The following LMX1B variants were observed in gnomAD, a reference collection of about 807,000 sequenced individuals.
LMX1B encodes LIM homeobox transcription factor 1 beta, also known as LIM homeobox transcription factor 1-beta.
LMX1B carries 12 observed loss-of-function variants against 51.4 expected under a neutral mutation model. The ratio of observed to expected loss-of-function variants is 0.23; its 90% CI spans 0.15 to 0.38. The LOEUF (loss-of-function observed/expected upper bound fraction) is 0.38. Ranked by LOEUF, LMX1B falls within the 10% of genes least tolerant of loss-of-function variation. LMX1B has a pLI of 1.00. For synonymous variants in LMX1B, 237 were observed against 235.4 expected (o/e 1.01, Z -0.06); for missense variants, 445 against 571.1 (o/e 0.78, Z 2.25).
At chr9:126,664,957 T>C (rs1476163738) in intron 2 of LMX1B, among the ~76,000 whole-genome samples, 1 of 152,228 alleles carries the variant, frequency 6.6e-6, no homozygotes, top group Admixed American at 6.5e-5. Flanking sequence ...TCAGTTTCTC[T>C]ACCTACGAAG....
chr9:126,615,625 C>G lies in LMX1B; in HGVS notation c.326+56C>G. The G allele has an allele frequency of 6.6e-7, 1 of 1,510,076 alleles. No individual in the cohort carries two copies. The highest frequency in any genetic ancestry group is 9.0e-7 in the Non-Finnish European group (1 of 1,115,674). 93.5% of individuals were successfully genotyped at this position (1,510,076 alleles called of 1,614,324 possible). The stretch of plus-strand genomic sequence containing the variant: ...CCGCCCGGCACTCGAGCCCGGTCAG[C>G]CCCCTGCCGGGCCCGGCCCGCGCCC... On this transcript the variant is annotated intron_variant, in intron 2 of 7. Transcript: ENST00000373474. This position sits in a 1 kb window ranked among gnomAD's most constrained non-coding sequence, Gnocchi z 6.0.
chr9:126,623,680 C>A (rs929002031), intron 2 of LMX1B, among the ~76,000 whole-genome samples: 1 of 152,230 alleles, frequency 6.6e-6, no homozygotes, highest in African/African-American at 2.4e-5. Context: ...GCTAATCTCC[C>A]CCAGAACGCC....
Position 126,700,304 on chromosome 9 carries a change from G to T in LMX1B, c.*3853G>T, listed in dbSNP as rs2030495993. The T allele has an allele frequency of 6.6e-6, 1 of 152,228 alleles. No homozygotes were observed. Among genetic ancestry groups the T allele is most frequent in the Non-Finnish European group, 1.5e-5 (1 of 68,074 alleles). 9.4% of individuals were successfully genotyped at this position (152,228 alleles called of 1,614,324 possible). ...TCCTGAGGGTGGGTAAAGGTGGGAA[G>T]GCCCTGGCGCTGCATCAGATGAGCA... On this transcript the variant is annotated 3_prime_UTR_variant, in exon 8 of 8. Transcript: ENST00000373474.
intron 2 of LMX1B, among the ~76,000 whole-genome samples, chr9:126,682,554 C>T (rs928615351): frequency 2.6e-5 from 4 of 152,204 alleles, no homozygotes; most frequent in African/African-American, 7.2e-5. Flanking sequence ...TCTCACTGCT[C>T]TAGCCCCGCC....
At chr9:126,663,490 C>G (rs568533764) in intron 2 of LMX1B, among the ~76,000 whole-genome samples, 9 of 152,062 alleles carry the variant, frequency 5.9e-5, no homozygotes, top group Admixed American at 3.9e-4. Flanking sequence ...AATCCCAGCT[C>G]TGCCACTTCC....
chr9:126,619,553 G>C (rs1474142474), intron 2 of LMX1B, among the ~76,000 whole-genome samples: 1 of 152,216 alleles, frequency 6.6e-6, no homozygotes, highest in Non-Finnish European at 1.5e-5. Flanking sequence ...CTTACAAAAA[G>C]GCTTCTATGG....
intron 2 of LMX1B, among the ~76,000 whole-genome samples, chr9:126,669,585 G>A (rs1317016433): frequency 6.6e-6 from 1 of 152,198 alleles, no homozygotes; most frequent in Non-Finnish European, 1.5e-5. Flanking sequence ...ACATTCACGT[G>A]TGTGAGTGTA....
intron 2 of LMX1B, among the ~76,000 whole-genome samples, chr9:126,628,843 A>G (rs1290902394): frequency 6.6e-6 from 1 of 152,178 alleles, no homozygotes; most frequent in Non-Finnish European, 1.5e-5. Flanking sequence ...CACAGAGCAC[A>G]GCCAAGCGGG....
intron 2 of LMX1B, among the ~76,000 whole-genome samples, chr9:126,681,005 G>A (rs1383104517): frequency 1.3e-5 from 2 of 152,090 alleles, no homozygotes; most frequent in East Asian, 1.9e-4. Context: ...ACAATGGCAG[G>A]AGGGCTCCTG....
rs1015387015 is a variant in LMX1B, at chr9:126,695,371, C to T, written c.887-468C>T. Among the ~76,000 whole-genome samples, 2 of 152,198 alleles carry T rather than the reference C, an allele frequency of 1.3e-5. No homozygotes were observed. Among genetic ancestry groups the T allele is most frequent in the Non-Finnish European group, 2.9e-5 (2 of 68,026 alleles). Reference sequence around the variant, plus strand: ...ACGTGCTGCACCCTCACTTACCCGGCGGTCTGTCTCCTCCATGCCTTTGCC... The same window carrying T: ...ACGTGCTGCACCCTCACTTACCCGGTGGTCTGTCTCCTCCATGCCTTTGCC... On this transcript the variant is annotated intron_variant, in intron 6 of 7. Coordinates refer to ENST00000373474, the MANE Select transcript of LMX1B (RefSeq NM_001174147.2). This position sits in a 1 kb window ranked among gnomAD's most constrained non-coding sequence, Gnocchi z 5.2.
At position 126,658,465 on chromosome 9, in the gene LMX1B, C is replaced by G. The variant is rs935790201; in HGVS notation, c.327-32371C>G. 9.9e-4 allele frequency among the ~76,000 whole-genome samples: 150 copies of G among 152,228 alleles called. 2 individuals carry two copies. The highest frequency in any genetic ancestry group is 3.4e-4 in the Non-Finnish European group (23 of 68,000). ...AGCCCCCTCCCTCTGGTCCACATTC[C>G]CAGCTCCTGATTAGATTTGGGAAGG... On this transcript the variant is annotated intron_variant, in intron 2 of 7. Transcript: ENST00000373474. The surrounding 1 kb of genome is among the most constrained non-coding windows in gnomAD (Gnocchi z 4.0).
At chr9:126,638,273 C>T (rs914831323) in intron 2 of LMX1B, among the ~76,000 whole-genome samples, 6 of 152,202 alleles carry the variant, frequency 3.9e-5, no homozygotes, top group African/African-American at 1.2e-4. Flanking sequence ...GCCCATCTCT[C>T]CCAACAGGTG....
chr9:126,686,806 A>G (rs2029910692), intron 2 of LMX1B, among the ~76,000 whole-genome samples: 1 of 152,216 alleles, frequency 6.6e-6, no homozygotes, highest in African/African-American at 2.4e-5. Context: ...CATCTGTAAA[A>G]TGGGAATGGA....
chr9:126,692,912 GC>G (rs1049258586), intron 3 of LMX1B, among the ~76,000 whole-genome samples: 2 of 152,240 alleles, frequency 1.3e-5, no homozygotes, highest in African/African-American at 4.8e-5. Flanking sequence ...AGGCGTGTGT[GC>G]CGGGGAAGGG....
intron 2 of LMX1B, among the ~76,000 whole-genome samples, chr9:126,652,303 G>T (rs574682082): frequency 2.9e-4 from 43 of 149,514 alleles, no homozygotes; most frequent in African/African-American, 1.1e-3. Flanking sequence ...AGAAGGGGGG[G>T]GGGATTTTCT....
At position 126,614,596 on chromosome 9, in the gene LMX1B, C is replaced by A; in HGVS notation, c.139+8C>A. On this transcript the variant is annotated splice_region_variant and intron_variant, in intron 1 of 7. Transcript: ENST00000373474. ...CTCTGGGGGTGCTGCTGGGTGAGTG[C>A]GGGGTCGGAACGCCCGAGTGGTCTC... 1 of 1,580,934 alleles carries A rather than the reference C, an allele frequency of 6.3e-7. No homozygotes were observed. Among genetic ancestry groups the A allele is most frequent in the Non-Finnish European group, 8.6e-7 (1 of 1,162,530 alleles).
intron 2 of LMX1B, among the ~76,000 whole-genome samples, chr9:126,680,556 G>A (rs1488806920): frequency 1.3e-5 from 2 of 152,192 alleles, no homozygotes; most frequent in Non-Finnish European, 2.9e-5. Flanking sequence ...ACCAGGAGCT[G>A]CTGACCTCAG....
chr9:126,620,608 G>A (rs1319046769), intron 2 of LMX1B, among the ~76,000 whole-genome samples: 1 of 152,128 alleles, frequency 6.6e-6, no homozygotes, highest in Non-Finnish European at 1.5e-5. Context: ...TTTGGGGGCA[G>A]ACGGGTGTGC....
At chr9:126,665,239 G>A (rs759346995) in intron 2 of LMX1B, among the ~76,000 whole-genome samples, 20 of 152,164 alleles carry the variant, frequency 1.3e-4, no homozygotes, top group Non-Finnish European at 2.1e-4. Flanking sequence ...ACGGTCCATC[G>A]TAACCTGATT....
Sources: gnomAD v4.1 joint callset for allele counts (sites outside exome capture counted in the v4.1 genomes callset) on GRCh38, gnomAD v4.1.1 for gene constraint, Gnocchi (gnomAD v3.1) non-coding constraint, MANE v1.5 for transcripts, NCBI Gene and HGNC (gene_info 2026-07-23, HGNC 2026-07-21) for gene names.